ADH7: variants seen among roughly 807,000 people sequenced by gnomAD.
ADH7 encodes all-trans-retinol dehydrogenase [NAD(+)] ADH7.
In ADH7, 41 loss-of-function variants were observed where a neutral mutation model predicts 34.4. The ratio of observed to expected loss-of-function variants is 1.19; its 90% CI spans 0.93 to 1.55. ADH7 has a LOEUF of 1.55. ADH7 is among the 40% of genes most tolerant of loss of function. ADH7 has a pLI of 0.00. For missense variants in ADH7, 540 were observed against 461.2 expected (o/e 1.17, Z -1.56); for synonymous variants, 180 against 160.9 (o/e 1.12, Z -0.90).
intron 2 of ADH7, 95 bp downstream of exon 2, chr4:99,429,437 A>AT: frequency 1.2e-6 from 1 of 803,482 alleles, no homozygotes; most frequent in Non-Finnish European, 2.0e-6. Context: ...CATGGGAAGC[A>AT]TCTCCTTATT....
intron 5 of ADH7, among the ~76,000 whole-genome samples, chr4:99,426,046 A>G (rs548627714): frequency 2.6e-5 from 4 of 152,244 alleles, no homozygotes; most frequent in Non-Finnish European, 4.4e-5. Flanking sequence ...AATCTCTGGG[A>G]CACATTCAAA....
chr4:99,417,552 T>C (rs1721548913), intron 7 of ADH7, among the ~76,000 whole-genome samples: 1 of 152,168 alleles, frequency 6.6e-6, no homozygotes, highest in African/African-American at 2.4e-5. Context: ...ACCCATCCTT[T>C]ATTATTATCC....
intron 5 of ADH7, among the ~76,000 whole-genome samples, chr4:99,425,694 T>C (rs960702507): frequency 1.8e-4 from 28 of 152,130 alleles, no homozygotes; most frequent in African/African-American, 6.5e-4. Flanking sequence ...TGAACTCAGC[T>C]CCACACCAAG....
rs1722021792 is a variant in ADH7, at chr4:99,435,262, G to A, written c.-29C>T. On this transcript the variant is annotated 5_prime_UTR_variant, in exon 1 of 9. Coordinates refer to ENST00000437033, the MANE Select transcript of ADH7 (RefSeq NM_000673.7). ...GTCTTTGTCTTGGATCTGTATTTCTGCAAACATAGACTTTTTCTGACTGAT... is the reference window on the plus strand; with the variant it reads ...GTCTTTGTCTTGGATCTGTATTTCTACAAACATAGACTTTTTCTGACTGAT... The A allele has an allele frequency of 6.2e-7, 1 of 1,613,098 alleles. No homozygotes were observed. Among genetic ancestry groups the A allele is most frequent in the Admixed American group, 1.7e-5 (1 of 59,824 alleles).
chr4:99,420,943 A>C, intron 5 of ADH7, 150 bp from the exon 6 acceptor site: 2 of 690,542 alleles, frequency 2.9e-6, no homozygotes, highest in South Asian at 1.9e-5. Context: ...ACAACTTACA[A>C]GGGATGTGAA....
intron 1 of ADH7, among the ~76,000 whole-genome samples, chr4:99,433,292 A>G (rs1432790700): frequency 6.6e-6 from 1 of 151,358 alleles, no homozygotes; most frequent in East Asian, 1.9e-4. Flanking sequence ...ACATTTAAAA[A>G]TGTTTATAAA....
chr4:99,426,222 A>T lies in ADH7; in HGVS notation c.564+1551T>A, dbSNP rs545990561. On this transcript the variant is annotated intron_variant, in intron 5 of 8. Coordinates refer to ENST00000437033, the MANE Select transcript of ADH7 (RefSeq NM_000673.7). ...AATAACTAAAATCACAGCAGAACTG[A>T]AGGAAATAGAGACACAAAAAACCCT... Among the ~76,000 whole-genome samples, 6 of 152,340 alleles carry T rather than the reference A, an allele frequency of 3.9e-5. No individual in the cohort carries two copies. The East Asian group carries it at 1.2e-3, about 29-fold the overall frequency.
chr4:99,428,721 G>A (rs1721874440), intron 2 of ADH7, 91 bp from the exon 3 acceptor site: 5 of 1,458,084 alleles, frequency 3.4e-6, no homozygotes, highest in Non-Finnish European at 4.6e-6. Context: ...AATTATAATT[G>A]TTTAATCAAT....
chr4:99,419,118 C>T lies in ADH7; in HGVS notation c.829G>A (p.Asp277Asn). The T allele has an allele frequency of 6.2e-7, 1 of 1,613,360 alleles. No individual in the cohort carries two copies. Among genetic ancestry groups the T allele is most frequent in the Non-Finnish European group, 8.5e-7 (1 of 1,179,610 alleles). Reference protein sequence around the residue: ...EVIGHLETMIDALASCHMNYG... With the variant: ...EVIGHLETMINALASCHMNYG... Reference sequence around the variant, plus strand: ...TTCATGTGGCAGGATGCCAGGGCATCAATCTGAGTTTAAAACGGAGGAGAT... The same window carrying T: ...TTCATGTGGCAGGATGCCAGGGCATTAATCTGAGTTTAAAACGGAGGAGAT... Residue 277 changes from aspartate to asparagine, a missense_variant, in exon 7 of 9, where the codon GAT (aspartate) becomes AAT (asparagine). Transcript: ENST00000437033.
At chr4:99,420,448 T>C in intron 6 of ADH7, 85 bp downstream of exon 6, 2 of 1,380,456 alleles carry the variant, frequency 1.4e-6, no homozygotes, top group Non-Finnish European at 2.0e-6. Flanking sequence ...TTATTGACTA[T>C]TAATAAAGTT....
chr4:99,419,080 G>T lies in ADH7; in HGVS notation c.867C>A (p.Ser289Arg), dbSNP rs769630848. The change falls in exon 7 of 9, where the codon AGC becomes AGA. Residue 289 changes from serine (S) to arginine (R), a missense_variant. Coordinates refer to ENST00000437033, the MANE Select transcript of ADH7 (RefSeq NM_000673.7). ...LASCHMNYGTSVVVGVPPSAK... is the reference protein window; with the variant it reads ...LASCHMNYGTRVVVGVPPSAK... ...CTGATGGAGGAACTCCTACAACCAC[G>T]CTGGTCCCATAGTTCATGTGGCAGG... is the stretch of plus-strand genomic sequence containing the variant. 3 of 1,613,782 alleles carry T rather than the reference G, an allele frequency of 1.9e-6. No homozygotes were observed. Among genetic ancestry groups the T allele is most frequent in the Admixed American group, 3.3e-5 (2 of 59,914 alleles).
At chr4:99,423,496 A>G (rs1296037274) in intron 5 of ADH7, among the ~76,000 whole-genome samples, 4 of 151,578 alleles carry the variant, frequency 2.6e-5, no homozygotes, top group African/African-American at 7.2e-5. Context: ...TCCCACCAAC[A>G]GTGTAAAAGT....
At chr4:99,425,340 G>A (rs1452948109) in intron 5 of ADH7, among the ~76,000 whole-genome samples, 3 of 152,012 alleles carry the variant, frequency 2.0e-5, no homozygotes, top group African/African-American at 4.8e-5. Flanking sequence ...ACACACATAG[G>A]CTCAAAATAA....
At chr4:99,424,324 C>A (rs893405148) in intron 5 of ADH7, among the ~76,000 whole-genome samples, 1 of 152,196 alleles carries the variant, frequency 6.6e-6, no homozygotes, top group South Asian at 2.1e-4. Context: ...ATGCCTCCAG[C>A]TTTGTTCTTT....
chr4:99,421,042 A>T (rs1315338257), intron 5 of ADH7, among the ~76,000 whole-genome samples: 1 of 152,242 alleles, frequency 6.6e-6, no homozygotes, highest in Non-Finnish European at 1.5e-5. Flanking sequence ...CATGCATAGG[A>T]AGAATCAATA....
intron 5 of ADH7, among the ~76,000 whole-genome samples, chr4:99,423,374 G>A (rs1490831586): frequency 1.3e-5 from 2 of 150,764 alleles, no homozygotes; most frequent in African/African-American, 2.4e-5. Context: ...ATGATTTATA[G>A]TCCTTTGGGT....
chr4:99,431,749 T>C (rs1721941530), intron 1 of ADH7, among the ~76,000 whole-genome samples: 1 of 152,042 alleles, frequency 6.6e-6, no homozygotes, highest in Non-Finnish European at 1.5e-5. Flanking sequence ...ATTAGAGAAA[T>C]GCAAATCAAA....
rs779595834 is a variant in ADH7 at position 99,429,585 on chromosome 4, A to G, written c.67T>C (p.Ser23Pro). The G allele has an allele frequency of 5.0e-6, 8 of 1,612,442 alleles. No homozygotes were observed. The highest frequency in any genetic ancestry group is 6.8e-6 in the Non-Finnish European group (8 of 1,179,226). The change falls in exon 2 of 9, where the codon TCC becomes CCC. Residue 23 changes from serine (S) to proline (P), a missense_variant. Physicochemically the swap from Ser to Pro is moderately conservative, Grantham distance 74 (BLOSUM62 -1). Coordinates refer to ENST00000437033, the MANE Select transcript of ADH7 (RefSeq NM_000673.7). ...GGGGCAACTTCTATTTCCTCAATGGAGAAGGGTTGCTTCTGCTCCCAAAGC... is the reference window on the plus strand; with the variant it reads ...GGGGCAACTTCTATTTCCTCAATGGGGAAGGGTTGCTTCTGCTCCCAAAGC... ...AVLWEQKQPF[S>P]IEEIEVAPPK...
rs771242344 is a variant in ADH7, at chr4:99,419,067, C to T, written c.880G>A (p.Val294Ile). 3 of 1,613,890 alleles carry T rather than the reference C, an allele frequency of 1.9e-6. No homozygotes were observed. Among genetic ancestry groups the T allele is most frequent in the Non-Finnish European group, 2.5e-6 (3 of 1,179,874 alleles). Residue 294 changes from valine (V) to isoleucine (I), a missense_variant, in exon 7 of 9, where the codon GTT (valine) becomes ATT (isoleucine). Val to Ile is a conservative substitution (Grantham distance 29). Coordinates refer to ENST00000437033, the MANE Select transcript of ADH7 (RefSeq NM_000673.7). ...GTGAGCATCTTGGCTGATGGAGGAACTCCTACAACCACGCTGGTCCCATAG... is the reference window on the plus strand; with the variant it reads ...GTGAGCATCTTGGCTGATGGAGGAATTCCTACAACCACGCTGGTCCCATAG... ...MNYGTSVVVG[V>I]PPSAKMLTYD... is the part of the protein sequence containing the mutation.
Sources: allele counts gnomAD v4.1 joint callset (sites outside exome capture counted in the v4.1 genomes callset), GRCh38; gene constraint gnomAD v4.1.1; transcripts MANE v1.5; gene names NCBI Gene and HGNC (gene_info 2026-07-23, HGNC 2026-07-21).